The following C1QL1 variants were observed in gnomAD, a reference collection of about 807,000 sequenced individuals.
C1QL1 encodes the protein C1q-related factor.
A neutral mutation model predicts 14.2 loss-of-function variants in C1QL1; 15 were observed. That is an observed-to-expected ratio of 1.06 (90% CI 0.71 to 1.62). The LOEUF is 1.62. Ranked by LOEUF, C1QL1 falls within the 40% of genes most tolerant of loss-of-function variation. C1QL1 has a pLI of 0.00. For missense variants in C1QL1, 346 were observed against 380.3 expected (o/e 0.91, Z 0.75); for synonymous variants, 172 against 172.4 (o/e 1.00, Z 0.02).
At position 44,960,129 on chromosome 17, in the gene C1QL1, C is replaced by A. The variant is rs201410419; in HGVS notation, c.*59G>T. On this transcript the variant is annotated 3_prime_UTR_variant, in exon 2 of 2. Coordinates refer to ENST00000253407, the MANE Select transcript of C1QL1 (RefSeq NM_006688.5). ...TGGGCGAGGGGCGAGTCATCGTCTG[C>A]CCCGCCCGGAGGGGACCCCGGCGGG... 4 of 1,501,084 alleles carry A rather than the reference C, an allele frequency of 2.7e-6. No individual in the cohort carries two copies. The highest frequency in any genetic ancestry group is 4.5e-5 in the East Asian group (2 of 44,190). 93.0% of individuals were successfully genotyped at this position (1,501,084 alleles called of 1,614,324 possible).
At chr17:44,961,579 G>A (rs3024296) in intron 1 of C1QL1, among the ~76,000 whole-genome samples, 8,896 of 127,754 alleles carry the variant, frequency 0.07, 318 homozygotes, top group Non-Finnish European at 0.083. Flanking sequence ...GCGACATAGT[G>A]AGACTCAGTC....
Position 44,959,925 on chromosome 17 carries a change from T to G in C1QL1, c.*263A>C. 18 of 450,000 alleles carry G rather than the reference T, an allele frequency of 4.0e-5. No individual in the cohort carries two copies. The highest frequency in any genetic ancestry group is 8.7e-5 in the East Asian group (2 of 22,868). 27.9% of individuals were successfully genotyped at this position (450,000 alleles called of 1,614,324 possible). A position where few individuals can be genotyped will look rare whatever the true frequency, so the allele number is the denominator to read the frequency against. On this transcript the variant is annotated 3_prime_UTR_variant, in exon 2 of 2. Transcript: ENST00000253407. ...CGGAGGTGGGCAGTAAACAGTCCTA[T>G]TGTACAAATATATAGCGCGGGCTGG...
Position 44,960,118 on chromosome 17 carries a change from G to A in C1QL1, c.*70C>T, listed in dbSNP as rs1293806747. ...CAGCGAGCGGGTGGGCGAGGGGCGA[G>A]TCATCGTCTGCCCCGCCCGGAGGGG... On this transcript the variant is annotated 3_prime_UTR_variant, in exon 2 of 2. Transcript: ENST00000253407. 8.4e-6 allele frequency: 12 copies of A among 1,432,480 alleles called. No individual in the cohort carries two copies. Among genetic ancestry groups the A allele is most frequent in the Non-Finnish European group, 1.2e-5 (12 of 1,024,884 alleles). The allele number at this position is 1,432,480 out of a possible 1,614,324, so 88.7% of individuals were successfully genotyped here.
At chr17:44,962,492 TTC>T (rs1378413217) in intron 1 of C1QL1, among the ~76,000 whole-genome samples, 3 of 152,288 alleles carry the variant, frequency 2.0e-5, no homozygotes, top group African/African-American at 7.2e-5. Context: ...GGAGCTCAGT[TTC>T]TCTGTCTAGA....
intron 1 of C1QL1, among the ~76,000 whole-genome samples, chr17:44,964,959 G>C (rs2052649277): frequency 6.6e-6 from 1 of 151,556 alleles, no homozygotes. Flanking sequence ...TCTTGCCTCA[G>C]CCTCCTGACT....
rs2052667650 is a variant in C1QL1, at chr17:44,967,953, G to A, written c.96C>T (p.Cys32=). 2.2e-6 allele frequency: 3 copies of A among 1,336,256 alleles called. No individual in the cohort carries two copies. Among genetic ancestry groups the A allele is most frequent in the South Asian group, 2.1e-5 (1 of 46,668 alleles). The allele number at this position is 1,336,256 out of a possible 1,614,324, so 82.8% of individuals were successfully genotyped here. A position where few individuals can be genotyped will look rare whatever the true frequency, so the allele number is the denominator to read the frequency against. ...YEMLGTCRMV[C]DPYPARGPGA... Reference sequence around the variant, plus strand: ...CGGGGCCCCGCGCGGGGTAGGGGTCGCACACCATGCGGCAGGTGCCCAGCA... The same window carrying A: ...CGGGGCCCCGCGCGGGGTAGGGGTCACACACCATGCGGCAGGTGCCCAGCA... Residue 32 remains cysteine (C), a synonymous_variant, in exon 1 of 2, where the codon TGC becomes TGT. Transcript: ENST00000253407. The surrounding 1 kb of genome is among the most constrained non-coding windows in gnomAD (Gnocchi z 7.0).
intron 1 of C1QL1, among the ~76,000 whole-genome samples, chr17:44,962,338 C>G (rs1441787688): frequency 1.3e-5 from 2 of 152,176 alleles, no homozygotes; most frequent in Non-Finnish European, 2.9e-5. Context: ...TGAGGGCCTC[C>G]CTTTAAAGCC....
chr17:44,961,933 A>C (rs2052629959), intron 1 of C1QL1, among the ~76,000 whole-genome samples: 1 of 147,502 alleles, frequency 6.8e-6, no homozygotes, highest in Admixed American at 6.7e-5. Flanking sequence ...AGAGAGAGAG[A>C]GATTGTGTGG....
chr17:44,965,345 G>A lies in C1QL1; in HGVS notation c.597+2107C>T, dbSNP rs531751761. Among the ~76,000 whole-genome samples, 34 of 151,838 alleles carry A rather than the reference G, an allele frequency of 2.2e-4. 1 individual carries two copies. In the South Asian group the frequency reaches 5.4e-3, roughly 24 times the overall value. ...GTATTTTTAATAGAGATGGTGTTTC[G>A]CTGTGTTGGCCAGGATGATCTCAAA... On this transcript the variant is annotated intron_variant, in intron 1 of 1. Transcript: ENST00000253407.
rs145060137 is a variant in C1QL1, at chr17:44,960,320, G to A, written c.645C>T (p.Tyr215=). 411 of 1,614,002 alleles carry A rather than the reference G, an allele frequency of 2.5e-4. No homozygotes were observed. Among genetic ancestry groups the A allele is most frequent in the Non-Finnish European group, 3.3e-4 (390 of 1,180,034 alleles). Residue 215 remains tyrosine, a synonymous_variant, in exon 2 of 2, where the codon TAC becomes TAT. Transcript: ENST00000253407. ...IAQDADQNYD[Y]ASNSVILHLD... The stretch of plus-strand genomic sequence containing the variant: ...GGTGCAGGATCACGCTGTTGCTGGC[G>A]TAGTCGTAGTTCTGGTCCGCGTCCT...
intron 1 of C1QL1, among the ~76,000 whole-genome samples, chr17:44,963,063 G>C (rs1472510711): frequency 6.6e-6 from 1 of 152,180 alleles, no homozygotes; most frequent in Admixed American, 6.5e-5. Context: ...GGGGAAATGA[G>C]GTTGCCAAGG....
At position 44,962,429 on chromosome 17, in the gene C1QL1, G is replaced by A. The variant is rs145429377; in HGVS notation, c.598-2062C>T. 5.5e-3 allele frequency among the ~76,000 whole-genome samples: 845 copies of A among 152,290 alleles called. 9 individuals carry two copies. The highest frequency in any genetic ancestry group is 0.02 in the African/African-American group (811 of 41,554). ...CTTTGTGTGCTTAGCTGGGAAAACT[G>A]GTCTAGTTAAAGGTGGGAGGGAATA... is the stretch of plus-strand genomic sequence containing the variant. On this transcript the variant is annotated intron_variant, in intron 1 of 1. Transcript: ENST00000253407.
intron 1 of C1QL1, among the ~76,000 whole-genome samples, chr17:44,962,788 C>T (rs3024290): frequency 6.6e-6 from 1 of 152,182 alleles, no homozygotes; most frequent in Admixed American, 6.5e-5. Flanking sequence ...CCTTAATAGC[C>T]AAATCCATTG....
intron 1 of C1QL1, among the ~76,000 whole-genome samples, chr17:44,960,914 C>G (rs1354827951): frequency 6.6e-6 from 1 of 152,232 alleles, no homozygotes; most frequent in East Asian, 1.9e-4. Context: ...GAACCAGGGC[C>G]AGGTCTTTGG....
intron 1 of C1QL1, among the ~76,000 whole-genome samples, chr17:44,966,271 C>A (rs2052656905): frequency 6.6e-6 from 1 of 152,236 alleles, no homozygotes; most frequent in Non-Finnish European, 1.5e-5. Flanking sequence ...CCCTGCCTGC[C>A]CCTGTCTCTG....
At chr17:44,966,082 C>A (rs1567809823) in intron 1 of C1QL1, among the ~76,000 whole-genome samples, 1 of 152,032 alleles carries the variant, frequency 6.6e-6, no homozygotes, top group Non-Finnish European at 1.5e-5. Context: ...AGGCCAGAAA[C>A]CCAGGGAGAG....
At position 44,960,338 on chromosome 17, in the gene C1QL1, C is replaced by T; in HGVS notation, c.627G>A (p.Ala209=). 1 of 1,613,910 alleles carries T rather than the reference C, an allele frequency of 6.2e-7. No individual in the cohort carries two copies. The highest frequency in any genetic ancestry group is 8.5e-7 in the Non-Finnish European group (1 of 1,180,008). Residue 209 remains alanine, a synonymous_variant, in exon 2 of 2, where the codon GCG becomes GCA. Transcript: ENST00000253407. ...QVRASAIAQD[A]DQNYDYASNS... is the part of the protein sequence containing the mutation. ...TGCTGGCGTAGTCGTAGTTCTGGTCCGCGTCCTGGGCAATAGCACTGGCCC... is the reference window on the plus strand; with the variant it reads ...TGCTGGCGTAGTCGTAGTTCTGGTCTGCGTCCTGGGCAATAGCACTGGCCC...
Position 44,964,118 on chromosome 17 carries a change from G to T in C1QL1, c.597+3334C>A, listed in dbSNP as rs2052643239. On this transcript the variant is annotated intron_variant, in intron 1 of 1. Transcript: ENST00000253407. Reference sequence around the variant, plus strand: ...AGTGGGCCTCAGATAAGGACAGAGGGAGCCTCAGTGCCAGGCATGAAGGTG... The same window carrying T: ...AGTGGGCCTCAGATAAGGACAGAGGTAGCCTCAGTGCCAGGCATGAAGGTG... 2.6e-5 allele frequency among the ~76,000 whole-genome samples: 4 copies of T among 152,272 alleles called. No individual in the cohort carries two copies. The South Asian group carries it at 6.2e-4, about 24-fold the overall frequency.
chr17:44,964,225 C>T (rs895443273), intron 1 of C1QL1, among the ~76,000 whole-genome samples: 1 of 152,224 alleles, frequency 6.6e-6, no homozygotes, highest in African/African-American at 2.4e-5. Flanking sequence ...CTGGAAGCCT[C>T]TCTACAGGCA....
Sources: allele counts gnomAD v4.1 joint callset (sites outside exome capture counted in the v4.1 genomes callset), GRCh38; gene constraint gnomAD v4.1.1; non-coding constraint Gnocchi (gnomAD v3.1); transcripts MANE v1.5; gene names NCBI Gene and HGNC (gene_info 2026-07-23, HGNC 2026-07-21).